Variants in SLC35F3 observed in about 807,000 individuals in gnomAD.
SLC35F3 encodes putative thiamine transporter SLC35F3.
SLC35F3 carries 25 observed loss-of-function variants against 49.9 expected under a neutral mutation model. The ratio of observed to expected loss-of-function variants is 0.50; its 90% CI spans 0.37 to 0.70. SLC35F3 has a LOEUF of 0.70. SLC35F3 is among the 30% of genes least tolerant of loss of function. The pLI, the probability that SLC35F3 is intolerant of heterozygous loss-of-function variation, is 0.00. For synonymous variants in SLC35F3, 275 were observed against 265.4 expected, an observed-to-expected ratio of 1.04 and a Z score of -0.35; for missense variants, 525 against 639.8, an observed-to-expected ratio of 0.82 and a Z score of 1.94.
chr1:234,170,109 C>T (rs1468343050), intron 2 of SLC35F3, among the ~76,000 whole-genome samples: 1 of 152,188 alleles, frequency 6.6e-6, no homozygotes, highest in Non-Finnish European at 1.5e-5. Flanking sequence ...TCTCCAGCCC[C>T]ACTCTCTCAG....
At chr1:234,218,613 A>G (rs1322444052) in intron 2 of SLC35F3, among the ~76,000 whole-genome samples, 1 of 152,210 alleles carries the variant, frequency 6.6e-6, no homozygotes, top group Non-Finnish European at 1.5e-5. Context: ...CAGAAAACTC[A>G]TTCACGAAGG....
chr1:234,136,035 G>A (rs1665805748), intron 2 of SLC35F3, among the ~76,000 whole-genome samples: 1 of 152,190 alleles, frequency 6.6e-6, no homozygotes, highest in South Asian at 2.1e-4. Context: ...TTTAACAACT[G>A]TTTATAGATA....
At chr1:234,103,291 CATT>C (rs1416631197) in intron 2 of SLC35F3, among the ~76,000 whole-genome samples, 4 of 151,236 alleles carry the variant, frequency 2.6e-5, no homozygotes, top group Non-Finnish European at 5.9e-5. Context: ...TTGGCAATTT[CATT>C]ATTATTCATA....
chr1:234,322,888 T>C, intron 7 of SLC35F3, 120 bp from the exon 8 acceptor site: 1 of 781,852 alleles, frequency 1.3e-6, no homozygotes, highest in South Asian at 1.7e-5. Flanking sequence ...GAGAATCCTG[T>C]GGTCCAGGGA....
chr1:233,970,664 A>G (rs1053484896), intron 2 of SLC35F3, among the ~76,000 whole-genome samples: 2 of 152,192 alleles, frequency 1.3e-5, no homozygotes, highest in Non-Finnish European at 2.9e-5. Flanking sequence ...CCCCAATCCA[A>G]TAGGCCTTGT....
At position 233,941,962 on chromosome 1, in the gene SLC35F3, G is replaced by GT. The variant is rs547024039; in HGVS notation, c.283+36222dup. 9.6e-3 allele frequency among the ~76,000 whole-genome samples: 1,137 copies of GT among 118,910 alleles called. 11 individuals carry two copies. The highest frequency in any genetic ancestry group is 0.017 in the Middle Eastern group (4 of 236). 78.0% of individuals were successfully genotyped at this position (118,910 alleles called of 152,430 possible). A position where few individuals can be genotyped will look rare whatever the true frequency, so the allele number is the denominator to read the frequency against. Reference sequence around the variant, plus strand: ...TCTTGGGGTTGTTTTTTGTTTTTTTGTTTTTTTTTTTTTTTTTTAGATGGA... The same window carrying GT: ...TCTTGGGGTTGTTTTTTGTTTTTTTGTTTTTTTTTTTTTTTTTTTAGATGGA... On this transcript the variant is annotated intron_variant, in intron 2 of 7. Coordinates refer to ENST00000366618, the MANE Select transcript of SLC35F3 (RefSeq NM_173508.4).
chr1:233,979,924 G>C (rs1663152686), intron 2 of SLC35F3, among the ~76,000 whole-genome samples: 1 of 152,212 alleles, frequency 6.6e-6, no homozygotes, highest in South Asian at 2.1e-4. Flanking sequence ...AGGTGACCTG[G>C]TGAGGCTGAG....
intron 2 of SLC35F3, among the ~76,000 whole-genome samples, chr1:233,956,777 G>GA (rs1381592379): frequency 6.6e-6 from 1 of 152,236 alleles, no homozygotes; most frequent in Non-Finnish European, 1.5e-5. Context: ...AGCAGCTGTG[G>GA]ATGAAACCTG....
At chr1:234,189,074 A>G (rs978423772) in intron 2 of SLC35F3, among the ~76,000 whole-genome samples, 6 of 152,136 alleles carry the variant, frequency 3.9e-5, no homozygotes, top group African/African-American at 1.4e-4. Context: ...TGAGCCCCAG[A>G]TCTTCCCTCT....
intron 2 of SLC35F3, among the ~76,000 whole-genome samples, chr1:233,909,105 C>A (rs911595388): frequency 3.3e-5 from 5 of 152,198 alleles, no homozygotes; most frequent in African/African-American, 7.2e-5. Context: ...GATCTGCCCT[C>A]CTCGGCCTCC....
chr1:234,288,716 A>G (rs1280895650), intron 3 of SLC35F3, among the ~76,000 whole-genome samples: 1 of 152,196 alleles, frequency 6.6e-6, no homozygotes, highest in Non-Finnish European at 1.5e-5. Context: ...TCAAATGTCC[A>G]TTTTCCTGAT....
At chr1:234,038,393 T>C (rs899363350) in intron 2 of SLC35F3, among the ~76,000 whole-genome samples, 9 of 151,058 alleles carry the variant, frequency 6.0e-5, no homozygotes, top group African/African-American at 2.2e-4. Flanking sequence ...TTCCAAGTCT[T>C]TGCTATTGTG....
At chr1:234,268,008 C>G (rs1369666263) in intron 3 of SLC35F3, among the ~76,000 whole-genome samples, 4 of 149,052 alleles carry the variant, frequency 2.7e-5, no homozygotes, top group African/African-American at 2.5e-5. Flanking sequence ...ACATCCCAGA[C>G]GATGGGCGGC....
chr1:233,914,088 A>G (rs1282381124), intron 2 of SLC35F3, among the ~76,000 whole-genome samples: 1 of 152,026 alleles, frequency 6.6e-6, no homozygotes, highest in Non-Finnish European at 1.5e-5. Context: ...CCTGTACTAC[A>G]TCCTCCGTTT....
intron 2 of SLC35F3, among the ~76,000 whole-genome samples, chr1:234,151,845 T>C (rs16842676): frequency 0.018 from 2,780 of 152,160 alleles, 79 homozygotes; most frequent in African/African-American, 0.063. Context: ...AAACAAATAC[T>C]GAAAACTATA....
intron 2 of SLC35F3, among the ~76,000 whole-genome samples, chr1:233,919,498 C>A (rs4244369): frequency 0.48 from 73,296 of 151,984 alleles, 19,402 homozygotes; most frequent in East Asian, 0.73. Flanking sequence ...TGGTTCATTT[C>A]TTTAAATGGT....
rs141422884 is a variant in SLC35F3 at position 234,226,961 on chromosome 1, G to GCGCACACACACACA, written c.284-4455_284-4454insGCACACACACACAC. Among the ~76,000 whole-genome samples the GCGCACACACACACA allele has an allele frequency of 1.1e-4, 16 of 148,742 alleles. No individual in the cohort carries two copies. In the East Asian group the frequency reaches 1.4e-3, roughly 13 times the overall value. On this transcript the variant is annotated intron_variant, in intron 2 of 7. Coordinates refer to ENST00000366618, the MANE Select transcript of SLC35F3 (RefSeq NM_173508.4). Reference sequence around the variant, plus strand: ...CCTGCACTGGCGTGCGCGCACGCGTGCACACACACACACACACACACACAC... The same window carrying GCGCACACACACACA: ...CCTGCACTGGCGTGCGCGCACGCGTGCGCACACACACACACACACACACACACACACACACACAC...
chr1:234,094,375 A>T (rs542712046), intron 2 of SLC35F3, among the ~76,000 whole-genome samples: 16 of 152,368 alleles, frequency 1.1e-4, no homozygotes, highest in African/African-American at 3.8e-4. Flanking sequence ...GCAATGAATT[A>T]TCTTAAGTTC....
chr1:234,173,186 G>A (rs188668510), intron 2 of SLC35F3, among the ~76,000 whole-genome samples: 85 of 152,316 alleles, frequency 5.6e-4, no homozygotes, highest in African/African-American at 1.9e-3. Context: ...GCTGGAGTAC[G>A]AACTGCTTTC....
Sources: allele counts gnomAD v4.1 joint callset (sites outside exome capture counted in the v4.1 genomes callset), GRCh38; gene constraint gnomAD v4.1.1; transcripts MANE v1.5; gene names NCBI Gene and HGNC (gene_info 2026-07-23, HGNC 2026-07-21).